SHMT1: variants seen among roughly 807,000 people sequenced by gnomAD.
The protein encoded by SHMT1 is serine hydroxymethyltransferase, cytosolic.
A neutral mutation model predicts 49.0 loss-of-function variants in SHMT1; 45 were observed. The observed-to-expected ratio is 0.92, with a 90% confidence interval of 0.72 to 1.18. The LOEUF (loss-of-function observed/expected upper bound fraction) is 1.18, where lower values mean the gene tolerates loss of function less well. Among genes scored for constraint, SHMT1 ranks in the 50% most tolerant of loss-of-function variants. The pLI is 0.00. For missense variants in SHMT1, 541 were observed against 612.4 expected (o/e 0.88, Z 1.23); for synonymous variants, 232 against 246.6 (o/e 0.94, Z 0.55).
At chr17:18,337,541 G>GCCCTCT (rs56981227) in intron 7 of SHMT1, among the ~76,000 whole-genome samples, 39,798 of 140,000 alleles carry the variant, frequency 0.28, 6,172 homozygotes, top group African/African-American at 0.33. Flanking sequence ...TAGTCGAACA[G>GCCCTCT]CCCTCTCCCT....
rs2151570933 is a variant in SHMT1 at position 18,335,670 on chromosome 17, T to C, written c.820A>G (p.Lys274Glu). Reference protein sequence around the residue: ...AGMIFYRKGVKSVDPKTGKEI... With the variant: ...AGMIFYRKGVESVDPKTGKEI... ...TTGCCAGTCTTGGGATCCACACTTT[T>C]CACTCCTGGAGGAAGAAAAACATCA... Residue 274 changes from lysine to glutamate, a missense_variant, in exon 8 of 12, where the codon AAA (lysine) becomes GAA (glutamate). Coordinates refer to ENST00000316694, the MANE Select transcript of SHMT1 (RefSeq NM_004169.5). 1.2e-6 allele frequency: 2 copies of C among 1,610,006 alleles called. No homozygotes were observed. Among genetic ancestry groups the C allele is most frequent in the South Asian group, 1.1e-5 (1 of 91,000 alleles).
chr17:18,340,720 C>CTG lies in SHMT1; in HGVS notation c.601+11_601+12insCA. On this transcript the variant is annotated intron_variant, in intron 6 of 11. Transcript: ENST00000316694. This position sits in a 1 kb window ranked among gnomAD's most constrained non-coding sequence, Gnocchi z 4.5. ...ACTGGTGAACAAGGTGACTTTCCGC[C>CTG]CCGCGCATCACCTGCGATGATCAGC... The CTG allele has an allele frequency of 1.2e-6, 2 of 1,607,996 alleles. No individual in the cohort carries two copies. The highest frequency in any genetic ancestry group is 1.7e-6 in the Non-Finnish European group (2 of 1,177,204).
At chr17:18,354,705 C>T (rs1251837456) in intron 2 of SHMT1, among the ~76,000 whole-genome samples, 3 of 152,030 alleles carry the variant, frequency 2.0e-5, no homozygotes, top group Non-Finnish European at 4.4e-5. Flanking sequence ...CCAAGTTTCT[C>T]CCTCCCTGAA....
At chr17:18,350,561 CAA>C (rs1232500886) in intron 3 of SHMT1, among the ~76,000 whole-genome samples, 1 of 151,702 alleles carries the variant, frequency 6.6e-6, no homozygotes, top group Non-Finnish European at 1.5e-5. Context: ...TGCTTGAGCC[CAA>C]GAGTTTGAGG....
At chr17:18,355,491 G>C (rs1182994153) in intron 2 of SHMT1, among the ~76,000 whole-genome samples, 1 of 152,000 alleles carries the variant, frequency 6.6e-6, no homozygotes. Flanking sequence ...AGTGAGCCAA[G>C]ATCACGCCAT....
intron 7 of SHMT1, among the ~76,000 whole-genome samples, chr17:18,337,519 G>A (rs943236832): frequency 2.6e-4 from 39 of 152,014 alleles, no homozygotes; most frequent in Non-Finnish European, 5.1e-4. Flanking sequence ...CCTGCCTCGG[G>A]TAAGAGTAAT....
At chr17:18,333,585 C>A in intron 8 of SHMT1, 1 of 160,532 alleles carries the variant, frequency 6.2e-6, no homozygotes, top group Non-Finnish European at 1.3e-5. Flanking sequence ...TCTGCTTCGG[C>A]ATCCCGAACA....
At chr17:18,348,665 T>C (rs1223213860) in intron 3 of SHMT1, 1 of 652,260 alleles carries the variant, frequency 1.5e-6, no homozygotes, top group South Asian at 1.4e-5. Flanking sequence ...TTGGAGCAAA[T>C]ATCTCATCTA....
rs545334983 is a variant in SHMT1, at chr17:18,358,345, C to A, written c.-19-2345G>T. Among the ~76,000 whole-genome samples, 207 of 151,658 alleles carry A rather than the reference C, an allele frequency of 1.4e-3. 1 individual carries two copies. The highest frequency in any genetic ancestry group is 2.3e-3 in the Non-Finnish European group (157 of 67,906). ...TCTCTACTAAAAATACAAAAATTAG[C>A]CGGGCGTAGTGGCTCACGCCTGTAA... is the stretch of plus-strand genomic sequence containing the variant. On this transcript the variant is annotated intron_variant, in intron 1 of 11. Transcript: ENST00000316694.
In SHMT1 at chr17:18,355,992, C is replaced by T. The variant is rs1020939350; in HGVS notation, c.-11G>A. ...GACTGGCATCGTCATTGCACTGGTT[C>T]GAAGCTGCCTAAAAAAATGGGAAAA... On this transcript the variant is annotated 5_prime_UTR_variant, in exon 2 of 12. Transcript: ENST00000316694. The T allele has an allele frequency of 3.2e-6, 5 of 1,583,360 alleles. No individual in the cohort carries two copies. The highest frequency in any genetic ancestry group is 2.2e-5 in the South Asian group (2 of 90,088).
intron 5 of SHMT1, among the ~76,000 whole-genome samples, chr17:18,344,520 A>G (rs1984868019): frequency 6.6e-6 from 1 of 151,448 alleles, no homozygotes; most frequent in Non-Finnish European, 1.5e-5. Context: ...GGAAAAAAAA[A>G]AAGATTTAAA....
intron 7 of SHMT1, among the ~76,000 whole-genome samples, chr17:18,338,383 G>A (rs1449982081): frequency 2.0e-5 from 3 of 151,324 alleles, no homozygotes; most frequent in South Asian, 2.1e-4. Context: ...CCAGCCAGCC[G>A]CCCCGTCCGG....
chr17:18,330,539 C>T lies in SHMT1; in HGVS notation c.1171+16G>A, dbSNP rs1165590995. 6.5e-7 allele frequency: 1 copy of T among 1,542,542 alleles called. No homozygotes were observed. Among genetic ancestry groups the T allele is most frequent in the African/African-American group, 1.4e-5 (1 of 73,562 alleles). On this transcript the variant is annotated intron_variant, in intron 10 of 11. Coordinates refer to ENST00000316694, the MANE Select transcript of SHMT1 (RefSeq NM_004169.5). ...GATGGGAGAGGAGTGAAGGAGAAGG[C>T]AAGGATGATTCTCACCTGGACAGGT...
At chr17:18,352,264 A>T (rs1478482418) in intron 3 of SHMT1, among the ~76,000 whole-genome samples, 1 of 149,412 alleles carries the variant, frequency 6.7e-6, no homozygotes, top group East Asian at 2.0e-4. Flanking sequence ...CTCCTGCATC[A>T]GCCTCCCACG....
intron 2 of SHMT1, among the ~76,000 whole-genome samples, chr17:18,354,761 C>T (rs142379576): frequency 3.2e-4 from 48 of 151,446 alleles, no homozygotes; most frequent in East Asian, 1.4e-3. Context: ...TGCTTTAGGC[C>T]GGGCGTGGTG....
intron 5 of SHMT1, among the ~76,000 whole-genome samples, chr17:18,342,727 G>A (rs1984654048): frequency 6.6e-6 from 1 of 151,292 alleles, no homozygotes; most frequent in Non-Finnish European, 1.5e-5. Flanking sequence ...CCTGAGGACA[G>A]GAGTTTGAGA....
At chr17:18,354,552 C>T (rs1166179738) in intron 2 of SHMT1, among the ~76,000 whole-genome samples, 4 of 152,126 alleles carry the variant, frequency 2.6e-5, no homozygotes, top group African/African-American at 7.2e-5. Flanking sequence ...GCCGAGATCG[C>T]GCCATCGCAC....
At chr17:18,354,215 C>G (rs1265102861) in intron 2 of SHMT1, among the ~76,000 whole-genome samples, 1 of 151,984 alleles carries the variant, frequency 6.6e-6, no homozygotes, top group South Asian at 2.1e-4. Context: ...GTCGGGGGTT[C>G]GAGACCAGCC....
At chr17:18,333,469 T>C in intron 8 of SHMT1, 181 bp from the exon 9 acceptor site, 2 of 251,712 alleles carry the variant, frequency 7.9e-6, no homozygotes, top group Non-Finnish European at 1.4e-5. Context: ...TTATTTATTA[T>C]TTTTATTTTT....
Sources: allele counts gnomAD v4.1 joint callset (sites outside exome capture counted in the v4.1 genomes callset), GRCh38; gene constraint gnomAD v4.1.1; non-coding constraint Gnocchi (gnomAD v3.1); transcripts MANE v1.5; gene names NCBI Gene and HGNC (gene_info 2026-07-23, HGNC 2026-07-21).